Variants in RECK observed in about 807,000 individuals in gnomAD.
RECK encodes reversion inducing cysteine rich protein with kazal motifs.
RECK carries 69 observed loss-of-function variants against 115.1 expected under a neutral mutation model. The observed-to-expected ratio is 0.60, with a 90% CI of 0.49 to 0.73. The LOEUF (loss-of-function observed/expected upper bound fraction) is 0.73, where lower values mean the gene tolerates loss of function less well. RECK is among the 30% of genes least tolerant of loss of function. RECK has a pLI of 0.00. For missense variants in RECK, 1,047 were observed against 1,203.7 expected (o/e 0.87, Z 1.93); for synonymous variants, 414 against 419.7 (o/e 0.99, Z 0.17).
At chr9:36,081,259 C>T (rs1315615876) in intron 7 of RECK, among the ~76,000 whole-genome samples, 1 of 152,142 alleles carries the variant, frequency 6.6e-6, no homozygotes, top group Non-Finnish European at 1.5e-5. Context: ...AGTTCTTTAG[C>T]TCAGCAGGAA....
chr9:36,122,944 A>G lies in RECK; in HGVS notation c.2815A>G (p.Ser939Gly), dbSNP rs747160138. Residue 939 changes from serine (S) to glycine (G), a missense_variant, in exon 21 of 21, where the codon AGT (serine) becomes GGT (glycine). Coordinates refer to ENST00000377966, the MANE Select transcript of RECK (RefSeq NM_021111.3). ...LIISQVQVSS[S>G]VPSAGVRARP... Reference sequence around the variant, plus strand: ...CATTTCCCAGGTACAGGTCTCCAGCAGTGTGCCATCGGCCGGTGTCAGGGC... The same window carrying G: ...CATTTCCCAGGTACAGGTCTCCAGCGGTGTGCCATCGGCCGGTGTCAGGGC... 2.5e-6 allele frequency: 4 copies of G among 1,614,062 alleles called. No individual in the cohort carries two copies. Among genetic ancestry groups the G allele is most frequent in the Non-Finnish European group, 3.4e-6 (4 of 1,180,050 alleles).
At position 36,124,165 on chromosome 9, in the gene RECK, T is replaced by C. The variant is rs990755335; in HGVS notation, c.*1120T>C. The C allele has an allele frequency of 1.3e-5, 2 of 152,692 alleles. No homozygotes were observed. The highest frequency in any genetic ancestry group is 4.8e-5 in the African/African-American group (2 of 41,478). 9.5% of individuals were successfully genotyped at this position (152,692 alleles called of 1,614,324 possible). On this transcript the variant is annotated 3_prime_UTR_variant, in exon 21 of 21. Coordinates refer to ENST00000377966, the MANE Select transcript of RECK (RefSeq NM_021111.3). The stretch of plus-strand genomic sequence containing the variant: ...TGTCTAAGAAATTGAATACTTTGAA[T>C]GTGTTTCACAGTTTGAAATAAGCTA...
intron 6 of RECK, among the ~76,000 whole-genome samples, chr9:36,068,868 G>A (rs1822115037): frequency 6.6e-6 from 1 of 152,172 alleles, no homozygotes; most frequent in South Asian, 2.1e-4. Context: ...ATAACCCTAA[G>A]CTGGTCTTCC....
chr9:36,066,679 C>A lies in RECK; in HGVS notation c.405+1055C>A, dbSNP rs556178329. Reference sequence around the variant, plus strand: ...TCTTATCTCTCTATCTTTGAAATAACCAGTTTTAGTTTCTCTTGAACAAAG... The same window carrying A: ...TCTTATCTCTCTATCTTTGAAATAAACAGTTTTAGTTTCTCTTGAACAAAG... On this transcript the variant is annotated intron_variant, in intron 6 of 20. Coordinates refer to ENST00000377966, the MANE Select transcript of RECK (RefSeq NM_021111.3). 8 of 513,764 alleles carry A rather than the reference C, an allele frequency of 1.6e-5. No homozygotes were observed. In the East Asian group the frequency reaches 6.0e-4, roughly 39 times the overall value. The allele number at this position is 513,764 out of a possible 1,614,324, so 31.8% of individuals were successfully genotyped here.
chr9:36,097,135 C>T (rs1823378906), intron 10 of RECK, among the ~76,000 whole-genome samples: 1 of 152,008 alleles, frequency 6.6e-6, no homozygotes, highest in Admixed American at 6.6e-5. Context: ...GCCAGCCTGG[C>T]CAACATGGTG....
At chr9:36,106,523 C>T (rs1823825694) in intron 13 of RECK, among the ~76,000 whole-genome samples, 1 of 151,080 alleles carries the variant, frequency 6.6e-6, no homozygotes, top group African/African-American at 2.4e-5. Flanking sequence ...CAGGTGTGAG[C>T]CACTGCGCCC....
chr9:36,109,833 G>C, intron 14 of RECK, 124 bp from the exon 15 acceptor site: 1 of 954,598 alleles, frequency 1.0e-6, no homozygotes, highest in Admixed American at 2.1e-5. Flanking sequence ...GATAGAATGA[G>C]ACCCTTCTCA....
chr9:36,044,156 T>C (rs1199694603), intron 1 of RECK, among the ~76,000 whole-genome samples: 1 of 152,186 alleles, frequency 6.6e-6, no homozygotes, highest in Non-Finnish European at 1.5e-5. Context: ...AGCAGTGTTT[T>C]GTAGTTTTCC....
chr9:36,042,423 A>T (rs1484742996), intron 1 of RECK, among the ~76,000 whole-genome samples: 1 of 144,364 alleles, frequency 6.9e-6, no homozygotes, highest in Non-Finnish European at 1.5e-5. Context: ...AGTATTCCAT[A>T]GTGTGTGTGT....
At chr9:36,049,079 C>A (rs1196110330) in intron 1 of RECK, among the ~76,000 whole-genome samples, 1 of 152,026 alleles carries the variant, frequency 6.6e-6, no homozygotes, top group African/African-American at 2.4e-5. Flanking sequence ...TCAGGAGGAC[C>A]AGTCAAATAA....
At chr9:36,074,891 C>G (rs369855886) in intron 6 of RECK, among the ~76,000 whole-genome samples, 7 of 152,218 alleles carry the variant, frequency 4.6e-5, no homozygotes, top group African/African-American at 1.4e-4. Context: ...TAAGGGCTTA[C>G]TAGGCAGTTC....
At chr9:36,100,905 G>A (rs1161113004) in intron 11 of RECK, among the ~76,000 whole-genome samples, 1 of 151,718 alleles carries the variant, frequency 6.6e-6, no homozygotes, top group Non-Finnish European at 1.5e-5. Flanking sequence ...ATTTTTATAT[G>A]TTAATTTATG....
At chr9:36,086,701 C>T (rs571518303) in intron 8 of RECK, among the ~76,000 whole-genome samples, 2 of 152,296 alleles carry the variant, frequency 1.3e-5, no homozygotes, top group South Asian at 4.2e-4. Context: ...GCTACCTTTA[C>T]AAACCTTTAG....
chr9:36,119,952 C>T (rs1007059305), intron 18 of RECK, among the ~76,000 whole-genome samples: 1 of 152,088 alleles, frequency 6.6e-6, no homozygotes, highest in Non-Finnish European at 1.5e-5. Context: ...AAATTTGAAT[C>T]GGTCGGGCGT....
chr9:36,116,368 C>T (rs1038026763), intron 16 of RECK, among the ~76,000 whole-genome samples: 2 of 152,122 alleles, frequency 1.3e-5, no homozygotes, highest in African/African-American at 4.8e-5. Flanking sequence ...CTCAGGTGAT[C>T]CACCCGCCTC....
chr9:36,075,607 T>A (rs1304191971), intron 6 of RECK, among the ~76,000 whole-genome samples: 1 of 152,164 alleles, frequency 6.6e-6, no homozygotes, highest in Non-Finnish European at 1.5e-5. Context: ...TTAAAAACAT[T>A]TATGTTTTTA....
intron 2 of RECK, among the ~76,000 whole-genome samples, chr9:36,055,962 T>C (rs1821504814): frequency 6.6e-6 from 1 of 152,188 alleles, no homozygotes; most frequent in Admixed American, 6.5e-5. Context: ...TTCTTTCTTA[T>C]CTTTCATTAT....
rs185523646 is a variant in RECK at position 36,065,682 on chromosome 9, A to C, written c.405+58A>C. 34 of 1,265,252 alleles carry C rather than the reference A, an allele frequency of 2.7e-5. No homozygotes were observed. In the East Asian group the frequency reaches 9.7e-4, roughly 36 times the overall value. The allele number at this position is 1,265,252 out of a possible 1,614,324, so 78.4% of individuals were successfully genotyped here. A position where few individuals can be genotyped will look rare whatever the true frequency, so the allele number is the denominator to read the frequency against. Reference sequence around the variant, plus strand: ...TATTCAGATGTTATCAGAATTAACAAAATTACTTAAATTTTTAAAATGAAT... The same window carrying C: ...TATTCAGATGTTATCAGAATTAACACAATTACTTAAATTTTTAAAATGAAT... On this transcript the variant is annotated intron_variant, in intron 6 of 20. Transcript: ENST00000377966.
At position 36,100,513 on chromosome 9, in the gene RECK, A is replaced by G. The variant is rs772174243; in HGVS notation, c.1268A>G (p.His423Arg). The change falls in exon 11 of 21, where the codon CAT becomes CGT. Residue 423 changes from histidine to arginine, a missense_variant. Coordinates refer to ENST00000377966, the MANE Select transcript of RECK (RefSeq NM_021111.3). ...TGTTCACTGCAGATTAAACCTTGTC[A>G]TAGTAAATCTCGGGGAAGTATTATT... ...IACSLQIKPC[H>R]SKSRGSIICK... 6.2e-7 allele frequency: 1 copy of G among 1,614,056 alleles called. No individual in the cohort carries two copies. The highest frequency in any genetic ancestry group is 8.5e-7 in the Non-Finnish European group (1 of 1,179,936).
Sources: allele counts gnomAD v4.1 joint callset (sites outside exome capture counted in the v4.1 genomes callset), GRCh38; gene constraint gnomAD v4.1.1; transcripts MANE v1.5; gene names NCBI Gene and HGNC (gene_info 2026-07-23, HGNC 2026-07-21).